Variants in COL4A1 observed in about 807,000 individuals in gnomAD.
The protein encoded by COL4A1 is collagen alpha-1(IV) chain.
A neutral mutation model predicts 216.6 loss-of-function variants in COL4A1; 40 were observed. The ratio of observed to expected loss-of-function variants is 0.18; its 90% CI spans 0.14 to 0.24. The LOEUF is 0.24. Ranked by LOEUF, COL4A1 falls within the 10% of genes least tolerant of loss-of-function variation. The probability of loss-of-function intolerance (pLI) is 1.00; values close to 1 mark genes in which losing one functional copy is unlikely to be tolerated. For synonymous variants in COL4A1, 839 were observed against 810.7 expected, an observed-to-expected ratio of 1.03 and a Z score of -0.59; for missense variants, 1,628 against 2,196.8, an observed-to-expected ratio of 0.74 and a Z score of 5.18.
chr13:110,168,786 T>C (rs542976033), intron 43 of COL4A1, among the ~76,000 whole-genome samples: 85 of 152,090 alleles, frequency 5.6e-4, no homozygotes, highest in Non-Finnish European at 8.4e-4. Flanking sequence ...CTCCTATTCA[T>C]GATCTCCCCT....
chr13:110,234,671 A>G (rs1225932173), intron 2 of COL4A1, among the ~76,000 whole-genome samples: 2 of 152,160 alleles, frequency 1.3e-5, no homozygotes, highest in Non-Finnish European at 2.9e-5. Context: ...CAGATGATAC[A>G]CTATCTTATT....
chr13:110,207,497 C>A lies in COL4A1; in HGVS notation c.694-8G>T. On this transcript the variant is annotated splice_polypyrimidine_tract_variant and splice_region_variant and intron_variant, in intron 12 of 51. Transcript: ENST00000375820. This position sits in a 1 kb window ranked among gnomAD's most constrained non-coding sequence, Gnocchi z 4.4. The stretch of plus-strand genomic sequence containing the variant: ...ACTGACCCCTTGGTCACCCTGTCGA[C>A]ATAAAAATGTAAAATTAATTAGGCA... 6.2e-7 allele frequency: 1 copy of A among 1,611,904 alleles called. No individual in the cohort carries two copies. The highest frequency in any genetic ancestry group is 8.5e-7 in the Non-Finnish European group (1 of 1,178,172).
At chr13:110,184,256 G>A (rs987687842) in intron 26 of COL4A1, among the ~76,000 whole-genome samples, 2 of 152,078 alleles carry the variant, frequency 1.3e-5, no homozygotes, top group African/African-American at 4.8e-5. Flanking sequence ...CATCTGCTAG[G>A]GTATATTTGT....
chr13:110,203,427 C>A (rs1171453634), intron 18 of COL4A1, 139 bp downstream of exon 18: 2 of 863,834 alleles, frequency 2.3e-6, no homozygotes, highest in South Asian at 1.4e-5. Flanking sequence ...GTGTGCCCTG[C>A]ATCTCCTCTC....
At position 110,173,921 on chromosome 13, in the gene COL4A1, C is replaced by A; in HGVS notation, c.3484G>T (p.Ala1162Ser). The A allele has an allele frequency of 6.2e-7, 1 of 1,614,180 alleles. No individual in the cohort carries two copies. The highest frequency in any genetic ancestry group is 8.5e-7 in the Non-Finnish European group (1 of 1,180,024). Residue 1162 changes from alanine (A) to serine (S), a missense_variant, in exon 40 of 52, where the codon GCA (alanine) becomes TCA (serine). Coordinates refer to ENST00000375820, the MANE Select transcript of COL4A1 (RefSeq NM_001845.6). ...EPGSDGIPGS[A>S]GEKGEPGLPG... is the part of the protein sequence containing the mutation. Reference sequence around the variant, plus strand: ...ATACCTGGTTCACCCTTCTCTCCTGCTGACCCCGGGATTCCATCACTGCCT... The same window carrying A: ...ATACCTGGTTCACCCTTCTCTCCTGATGACCCCGGGATTCCATCACTGCCT...
intron 1 of COL4A1, among the ~76,000 whole-genome samples, chr13:110,255,269 C>T (rs551785452): frequency 2.0e-5 from 3 of 152,112 alleles, no homozygotes; most frequent in African/African-American, 7.2e-5. Flanking sequence ...ATGAGGGAGA[C>T]CTATCCCATT....
chr13:110,260,312 T>TACCA (rs1312416838), intron 1 of COL4A1, among the ~76,000 whole-genome samples: 6 of 152,200 alleles, frequency 3.9e-5, no homozygotes, highest in African/African-American at 1.4e-4. Context: ...ACTTATTCGC[T>TACCA]ACCAGGAGAA....
rs772122903 is a variant in COL4A1 at position 110,149,001 on chromosome 13, G to A, written c.*1362C>T. ...GCTTACAAATTTATTAGCAGCTTGT[G>A]CAGTAAGTTTCTTTTAATGCGTCTG... is the stretch of plus-strand genomic sequence containing the variant. On this transcript the variant is annotated 3_prime_UTR_variant, in exon 52 of 52. Coordinates refer to ENST00000375820, the MANE Select transcript of COL4A1 (RefSeq NM_001845.6). 2 of 152,838 alleles carry A rather than the reference G, an allele frequency of 1.3e-5. No individual in the cohort carries two copies. The highest frequency in any genetic ancestry group is 2.9e-5 in the Non-Finnish European group (2 of 68,202). The allele number at this position is 152,838 out of a possible 1,614,324, so 9.5% of individuals were successfully genotyped here. A position where few individuals can be genotyped will look rare whatever the true frequency, so the allele number is the denominator to read the frequency against.
intron 2 of COL4A1, among the ~76,000 whole-genome samples, chr13:110,220,475 A>G (rs2139217746): frequency 6.6e-6 from 1 of 152,338 alleles, no homozygotes; most frequent in South Asian, 2.1e-4. Flanking sequence ...CTGGCATTGC[A>G]AGAGTTGCCT....
Position 110,158,739 on chromosome 13 carries a change from C to CT in COL4A1, c.4640+2452dup, listed in dbSNP as rs556230875. ...TTTCTGAATATTTCTAAGAAATAAA[C>CT]TTTTTTTTTTTTTTTTTTTTGAGAC... On this transcript the variant is annotated intron_variant, in intron 49 of 51. Coordinates refer to ENST00000375820, the MANE Select transcript of COL4A1 (RefSeq NM_001845.6). Among the ~76,000 whole-genome samples, 209 of 105,806 alleles carry CT rather than the reference C, an allele frequency of 2.0e-3. 8 individuals are homozygous for CT. In the East Asian group the frequency reaches 0.024, roughly 12 times the overall value. The allele number at this position is 105,806 out of a possible 152,430, so 69.4% of individuals were successfully genotyped here.
chr13:110,286,179 T>C lies in COL4A1; in HGVS notation c.84+20765A>G, dbSNP rs77151180. On this transcript the variant is annotated intron_variant, in intron 1 of 51. Transcript: ENST00000375820. ...AGACCAAGAACGACCAAGGACAGCA[T>C]TGGCTCAAAGGCTGCAGCTGCAGAT... Among the ~76,000 whole-genome samples, 815 of 152,246 alleles carry C rather than the reference T, an allele frequency of 5.4e-3. 5 individuals carry two copies. Among genetic ancestry groups the C allele is most frequent in the African/African-American group, 0.018 (757 of 41,550 alleles).
intron 2 of COL4A1, among the ~76,000 whole-genome samples, chr13:110,228,237 C>CG (rs59600040): frequency 0.14 from 16,617 of 116,678 alleles, 1,055 homozygotes; most frequent in Middle Eastern, 0.2. Context: ...GGTGCGGGGG[C>CG]GGGGGGGGGG....
intron 1 of COL4A1, among the ~76,000 whole-genome samples, chr13:110,287,080 C>A (rs1375341988): frequency 2.0e-5 from 3 of 152,144 alleles, no homozygotes; most frequent in Non-Finnish European, 4.4e-5. Flanking sequence ...ACAGAGGCCA[C>A]CCACCTAGGA....
intron 1 of COL4A1, among the ~76,000 whole-genome samples, chr13:110,282,751 T>C (rs550143951): frequency 6.6e-6 from 1 of 152,362 alleles, no homozygotes; most frequent in South Asian, 2.1e-4. Context: ...CTGACCTGTT[T>C]TGGGGCACCT....
In COL4A1 at chr13:110,208,896, G is replaced by T; in HGVS notation, c.652-6C>A. 1 of 1,613,964 alleles carries T rather than the reference G, an allele frequency of 6.2e-7. No individual in the cohort carries two copies. Among genetic ancestry groups the T allele is most frequent in the Non-Finnish European group, 8.5e-7 (1 of 1,179,898 alleles). On this transcript the variant is annotated splice_region_variant and splice_polypyrimidine_tract_variant and intron_variant, in intron 11 of 51. Coordinates refer to ENST00000375820, the MANE Select transcript of COL4A1 (RefSeq NM_001845.6). ...AAACTTAAGCCCATTTGTCCCTGTG[G>T]ATTAAAAATTAGGCTCTCATTATTA...
At chr13:110,295,258 C>CTT (rs67516756) in intron 1 of COL4A1, among the ~76,000 whole-genome samples, 36 of 135,614 alleles carry the variant, frequency 2.7e-4, no homozygotes, top group East Asian at 1.3e-3. Context: ...TTCTTTCTTT[C>CTT]TTTTTTTTTT....
At chr13:110,274,446 G>A (rs1014428056) in intron 1 of COL4A1, among the ~76,000 whole-genome samples, 1 of 152,182 alleles carries the variant, frequency 6.6e-6, no homozygotes, top group African/African-American at 2.4e-5. Flanking sequence ...CGGGAGGCTG[G>A]TCTGAACTTG....
intron 4 of COL4A1, among the ~76,000 whole-genome samples, chr13:110,213,142 G>A (rs966078008): frequency 2.6e-5 from 4 of 152,032 alleles, no homozygotes; most frequent in Non-Finnish European, 4.4e-5. Context: ...GGAGGTGAGG[G>A]ATCAAAAACT....
chr13:110,206,561 G>T, intron 15 of COL4A1, 104 bp downstream of exon 15: 1 of 1,291,262 alleles, frequency 7.7e-7, no homozygotes, highest in South Asian at 1.2e-5. Flanking sequence ...GGATAAACTA[G>T]AAGTCCCTAC....
Sources: gnomAD v4.1 joint callset for allele counts (sites outside exome capture counted in the v4.1 genomes callset) on GRCh38, gnomAD v4.1.1 for gene constraint, Gnocchi (gnomAD v3.1) non-coding constraint, MANE v1.5 for transcripts, NCBI Gene and HGNC (gene_info 2026-07-23, HGNC 2026-07-21) for gene names.